CUL2: variants seen among roughly 807,000 people sequenced by gnomAD.
CUL2 encodes the protein cullin-2.
A neutral mutation model predicts 110.2 loss-of-function variants in CUL2; 22 were observed. That is an observed-to-expected ratio of 0.20 (90% CI 0.14 to 0.28). The LOEUF (loss-of-function observed/expected upper bound fraction) is 0.28, where lower values mean the gene tolerates loss of function less well. Ranked by LOEUF, CUL2 falls within the 10% of genes least tolerant of loss-of-function variation. The probability of loss-of-function intolerance (pLI) is 1.00; values close to 1 mark genes in which losing one functional copy is unlikely to be tolerated. For missense variants in CUL2, 631 were observed against 905.5 expected (o/e 0.70, Z 3.89); for synonymous variants, 279 against 293.2 (o/e 0.95, Z 0.49).
intron 1 of CUL2, among the ~76,000 whole-genome samples, chr10:35,124,585 G>A (rs2087716802): frequency 6.6e-6 from 1 of 152,076 alleles, no homozygotes; most frequent in South Asian, 2.1e-4. Context: ...TAAGCAAATG[G>A]GCAAAAAATG....
chr10:35,089,570 A>G (rs2087151606), intron 1 of CUL2, among the ~76,000 whole-genome samples: 1 of 152,244 alleles, frequency 6.6e-6, no homozygotes, highest in Non-Finnish European at 1.5e-5. Context: ...TGGACTTAAC[A>G]TTAATAACAG....
At chr10:35,026,666 G>T (rs556930635) in intron 16 of CUL2, among the ~76,000 whole-genome samples, 1 of 152,004 alleles carries the variant, frequency 6.6e-6, no homozygotes, top group East Asian at 1.9e-4. Context: ...AAAGACTCTC[G>T]TATCTATAGC....
intron 1 of CUL2, among the ~76,000 whole-genome samples, chr10:35,076,246 T>C (rs1435125581): frequency 6.6e-6 from 1 of 152,030 alleles, no homozygotes; most frequent in East Asian, 1.9e-4. Flanking sequence ...AGAAAGTATG[T>C]GAGTGGTTGA....
intron 1 of CUL2, among the ~76,000 whole-genome samples, chr10:35,124,635 C>T (rs2087717800): frequency 1.3e-5 from 2 of 152,134 alleles, no homozygotes; most frequent in Admixed American, 6.5e-5. Flanking sequence ...ACTCTGTGGC[C>T]TTCCTTATAG....
chr10:35,010,283 T>G lies in CUL2; in HGVS notation c.*28A>C, dbSNP rs1423581163. The G allele has an allele frequency of 2.5e-6, 4 of 1,571,746 alleles. No homozygotes were observed. The highest frequency in any genetic ancestry group is 3.5e-6 in the Non-Finnish European group (4 of 1,156,944). ...CACCAAATGGTGATGGCAATGATCT[T>G]CTCACACCACGCTGGAGGAGAGCGA... On this transcript the variant is annotated 3_prime_UTR_variant, in exon 21 of 21. Coordinates refer to ENST00000374749, the MANE Select transcript of CUL2 (RefSeq NM_003591.4).
chr10:35,011,856 T>C lies in CUL2; in HGVS notation c.2098A>G (p.Ile700Val). The C allele has an allele frequency of 6.3e-7, 1 of 1,599,730 alleles. No individual in the cohort carries two copies. Among genetic ancestry groups the C allele is most frequent in the Non-Finnish European group, 8.6e-7 (1 of 1,167,144 alleles). Residue 700 changes from isoleucine to valine, a missense_variant, in exon 20 of 21, where the codon ATT becomes GTT. Around this residue, in one of 3 missense-constraint regions of CUL2, gnomAD observed 159 missense variants for 202.7 expected, o/e 0.78. Transcript: ENST00000374749. ...ARKVLRHNAL[I>V]QEVISQSRAR... ...GACTGCCCTCCTTTTACCTCTTGAA[T>C]AAGGGCATTGTGCCGAAGCACTTTT...
chr10:35,023,557 C>G (rs1426992176), intron 17 of CUL2, among the ~76,000 whole-genome samples: 2 of 152,014 alleles, frequency 1.3e-5, no homozygotes, highest in Admixed American at 1.3e-4. Context: ...GGCTAAAAAA[C>G]TATGTGCATA....
rs1249195757 is a variant in CUL2, at chr10:35,009,907, T to C, written c.*404A>G. On this transcript the variant is annotated 3_prime_UTR_variant, in exon 21 of 21. Transcript: ENST00000374749. ...TTGACAAGCAGCAGTATCATGTTTGTCATTTTAATGTAGATACAATTATTA... is the reference window on the plus strand; with the variant it reads ...TTGACAAGCAGCAGTATCATGTTTGCCATTTTAATGTAGATACAATTATTA... The C allele has an allele frequency of 6.6e-6, 1 of 152,436 alleles. No individual in the cohort carries two copies. Among genetic ancestry groups the C allele is most frequent in the East Asian group, 1.9e-4 (1 of 5,194 alleles). 9.4% of individuals were successfully genotyped at this position (152,436 alleles called of 1,614,324 possible).
At chr10:35,064,579 A>T (rs1006759359) in intron 2 of CUL2, among the ~76,000 whole-genome samples, 1 of 152,160 alleles carries the variant, frequency 6.6e-6, no homozygotes, top group Non-Finnish European at 1.5e-5. Context: ...TCAATCTCAC[A>T]TGCTCCATTT....
At chr10:35,104,335 A>G (rs1401772745) in intron 1 of CUL2, among the ~76,000 whole-genome samples, 1 of 152,062 alleles carries the variant, frequency 6.6e-6, no homozygotes, top group Non-Finnish European at 1.5e-5. Flanking sequence ...AGTCTTAGTT[A>G]CTCTGGAGGC....
At chr10:35,020,592 A>G (rs1339715898) in intron 17 of CUL2, among the ~76,000 whole-genome samples, 6 of 152,200 alleles carry the variant, frequency 3.9e-5, no homozygotes, top group Non-Finnish European at 8.8e-5. Context: ...CTGTCTGGTG[A>G]AGTTTTTTTT....
chr10:35,049,614 T>C (rs865898454), intron 6 of CUL2, 69 bp downstream of exon 6: 1 of 1,301,336 alleles, frequency 7.7e-7, no homozygotes, highest in African/African-American at 1.5e-5. Context: ...TCTGCAATTG[T>C]ACACTATTTT....
rs1390127643 is a variant in CUL2 at position 35,054,419 on chromosome 10, TAAAG to T, written c.423+11_423+14del. On this transcript the variant is annotated intron_variant, in intron 5 of 20. Coordinates refer to ENST00000374749, the MANE Select transcript of CUL2 (RefSeq NM_003591.4). The stretch of plus-strand genomic sequence containing the variant: ...AACATACTTATGTTTGCTAGTCACT[TAAAG>T]AATGTCCTACCTCTCCTATTTCCAT... 2.2e-6 allele frequency: 3 copies of T among 1,394,736 alleles called. No individual in the cohort carries two copies. The African/African-American group carries it at 4.4e-5, about 20-fold the overall frequency. The allele number at this position is 1,394,736 out of a possible 1,614,324, so 86.4% of individuals were successfully genotyped here. A position where few individuals can be genotyped will look rare whatever the true frequency, so the allele number is the denominator to read the frequency against.
At chr10:35,058,103 A>T (rs958185305) in intron 4 of CUL2, among the ~76,000 whole-genome samples, 2 of 152,208 alleles carry the variant, frequency 1.3e-5, no homozygotes, top group Non-Finnish European at 2.9e-5. Flanking sequence ...CCCAAAAATT[A>T]GTAATAAAAT....
At chr10:35,086,627 AAC>A (rs1316273968) in intron 1 of CUL2, among the ~76,000 whole-genome samples, 26 of 152,122 alleles carry the variant, frequency 1.7e-4, no homozygotes, top group African/African-American at 6.0e-4. Flanking sequence ...GTAGGTCAAA[AAC>A]TTAACGAGAC....
At position 35,035,241 on chromosome 10, in the gene CUL2, C is replaced by T. The variant is rs1378650744; in HGVS notation, c.933G>A (p.Met311Ile). The T allele has an allele frequency of 6.2e-7, 1 of 1,614,000 alleles. No homozygotes were observed. Among genetic ancestry groups the T allele is most frequent in the Admixed American group, 1.7e-5 (1 of 59,992 alleles). ...GGATGTGGTTTTGCAGCTCCTGAAT[C>T]ATATGAGGTAAACCAGTGGACACAG... ...LRAVSTGLPH[M>I]IQELQNHIHD... Residue 311 changes from methionine (M) to isoleucine (I), a missense_variant, in exon 10 of 21, where the codon ATG becomes ATA. Physicochemically the swap from Met to Ile is conservative, Grantham distance 10 (BLOSUM62 1). Around this residue, in one of 3 missense-constraint regions of CUL2, gnomAD observed 338 missense variants for 442.5 expected, o/e 0.76. Coordinates refer to ENST00000374749, the MANE Select transcript of CUL2 (RefSeq NM_003591.4).
chr10:35,100,630 T>C, intron 2 of CUL2, among the ~76,000 whole-genome samples: 1 of 151,634 alleles, frequency 6.6e-6, no homozygotes, highest in East Asian at 1.9e-4. Context: ...GGCATGGTGG[T>C]GCATACCTGT....
At chr10:35,095,416 A>G (rs770468882), upstream of CUL2, among the ~76,000 whole-genome samples, 2 of 152,166 alleles carry the variant, frequency 1.3e-5, no homozygotes, top group African/African-American at 2.4e-5. Flanking sequence ...TGATGTACAT[A>G]ACTCACAATT....
At chr10:35,111,977 C>T (rs1328261776) in intron 1 of CUL2, among the ~76,000 whole-genome samples, 1 of 152,194 alleles carries the variant, frequency 6.6e-6, no homozygotes, top group African/African-American at 2.4e-5. Flanking sequence ...GAAGAGGAGT[C>T]ACTGCTCAAC....
Sources: allele counts gnomAD v4.1 joint callset (sites outside exome capture counted in the v4.1 genomes callset), GRCh38; gene constraint gnomAD v4.1.1; regional missense constraint gnomAD v4.1.1; transcripts MANE v1.5; gene names NCBI Gene and HGNC (gene_info 2026-07-23, HGNC 2026-07-21).